COX7B2: variants seen among roughly 807,000 people sequenced by gnomAD.
The protein encoded by COX7B2 is cytochrome c oxidase subunit 7B2.
For missense variants in COX7B2, 109 were observed against 95.9 expected, an observed-to-expected ratio of 1.14 and a Z score of -0.57; for synonymous variants, 37 against 32.1, an observed-to-expected ratio of 1.15 and a Z score of -0.51.
intron 2 of COX7B2, among the ~76,000 whole-genome samples, chr4:46,749,168 A>G (rs1049665586): frequency 1.8e-4 from 27 of 152,218 alleles, no homozygotes; most frequent in African/African-American, 6.0e-4. Flanking sequence ...CCCAGTGAAC[A>G]GCATCTCCAT....
chr4:46,845,410 G>T (rs889023419), intron 1 of COX7B2, among the ~76,000 whole-genome samples: 1 of 151,886 alleles, frequency 6.6e-6, no homozygotes, highest in African/African-American at 2.4e-5. Flanking sequence ...CTTCCTTCAT[G>T]CAAGTTCAAG....
intron 1 of COX7B2, among the ~76,000 whole-genome samples, chr4:46,854,645 A>G (rs966698982): frequency 6.6e-6 from 1 of 152,178 alleles, no homozygotes; most frequent in African/African-American, 2.4e-5. Context: ...AATAAATGGC[A>G]ATAGTATCAG....
At chr4:46,833,099 T>G (rs1446369795) in intron 2 of COX7B2, among the ~76,000 whole-genome samples, 1 of 152,102 alleles carries the variant, frequency 6.6e-6, no homozygotes, top group Non-Finnish European at 1.5e-5. Flanking sequence ...GAGACGGGAT[T>G]TCTCCATGTT....
At position 46,734,888 on chromosome 4, in the gene COX7B2, A is replaced by T. The variant is rs1714258849; in HGVS notation, c.*59T>A. 6.3e-7 allele frequency: 1 copy of T among 1,582,630 alleles called. No individual in the cohort carries two copies. On this transcript the variant is annotated 3_prime_UTR_variant, in exon 3 of 3. Transcript: ENST00000355591. ...TGTGCTATATTTTAATAAGCAGTAG[A>T]GTGCTTACATGACAAGTTGGTTTTT...
rs181848446 is a variant in COX7B2, at chr4:46,750,256, T to C, written c.-49-15015A>G. ...CACACACACACACATTATCCAGGTGTGGTGGCACATGCCTGTAGTCCTAGC... is the reference window on the plus strand; with the variant it reads ...CACACACACACACATTATCCAGGTGCGGTGGCACATGCCTGTAGTCCTAGC... On this transcript the variant is annotated intron_variant, in intron 2 of 2. Transcript: ENST00000355591. Among the ~76,000 whole-genome samples the C allele has an allele frequency of 7.3e-3, 1,023 of 140,400 alleles. 13 individuals are homozygous for C. Among genetic ancestry groups the C allele is most frequent in the African/African-American group, 0.026 (982 of 38,236 alleles). The allele number at this position is 140,400 out of a possible 152,430, so 92.1% of individuals were successfully genotyped here.
chr4:46,791,193 T>G (rs1386348763), intron 2 of COX7B2, among the ~76,000 whole-genome samples: 1 of 150,396 alleles, frequency 6.6e-6, no homozygotes, highest in Non-Finnish European at 1.5e-5. Flanking sequence ...TTTTTTTTAG[T>G]AGAGAGGGAG....
At chr4:46,840,569 T>C (rs1715864628) in intron 2 of COX7B2, among the ~76,000 whole-genome samples, 1 of 152,026 alleles carries the variant, frequency 6.6e-6, no homozygotes, top group African/African-American at 2.4e-5. Flanking sequence ...TGGCTGATAG[T>C]AGGCATTTGA....
At chr4:46,845,651 A>G (rs974993934) in intron 1 of COX7B2, among the ~76,000 whole-genome samples, 1 of 152,008 alleles carries the variant, frequency 6.6e-6, no homozygotes, top group African/African-American at 2.4e-5. Flanking sequence ...GGATGTAGGG[A>G]CACAGAAAAA....
At chr4:46,736,230 C>T (rs1184907143) in intron 2 of COX7B2, among the ~76,000 whole-genome samples, 1 of 152,136 alleles carries the variant, frequency 6.6e-6, no homozygotes, top group Non-Finnish European at 1.5e-5. Context: ...CACAGAAAGC[C>T]AATCACTGAG....
chr4:46,856,988 C>G (rs1309028962), intron 1 of COX7B2, among the ~76,000 whole-genome samples: 1 of 152,138 alleles, frequency 6.6e-6, no homozygotes, highest in Non-Finnish European at 1.5e-5. Flanking sequence ...AAACTTTTAA[C>G]TTTAAAAGTT....
chr4:46,891,182 T>C (rs890634161), intron 1 of COX7B2, among the ~76,000 whole-genome samples: 1 of 152,192 alleles, frequency 6.6e-6, no homozygotes, highest in Non-Finnish European at 1.5e-5. Flanking sequence ...GAGAACATCA[T>C]GGTAGAAACA....
At chr4:46,831,517 C>G (rs1056238840) in intron 2 of COX7B2, among the ~76,000 whole-genome samples, 3 of 152,198 alleles carry the variant, frequency 2.0e-5, no homozygotes, top group African/African-American at 7.2e-5. Flanking sequence ...GCTCCTGAGT[C>G]TAGTGGGGAC....
chr4:46,758,097 T>G (rs567856946), intron 2 of COX7B2, among the ~76,000 whole-genome samples: 3 of 152,188 alleles, frequency 2.0e-5, no homozygotes, highest in Admixed American at 2.0e-4. Context: ...CAATACTTTA[T>G]GGTAATTTCA....
chr4:46,757,938 G>C (rs933617048), intron 2 of COX7B2, among the ~76,000 whole-genome samples: 3 of 152,120 alleles, frequency 2.0e-5, no homozygotes, highest in South Asian at 2.1e-4. Flanking sequence ...GAGGGAAGCT[G>C]GCATCAGGTC....
intron 1 of COX7B2, among the ~76,000 whole-genome samples, chr4:46,870,561 C>T (rs1180370075): frequency 6.6e-6 from 1 of 152,114 alleles, no homozygotes; most frequent in Non-Finnish European, 1.5e-5. Context: ...TTGCAGATGA[C>T]ATGATTCAGT....
intron 2 of COX7B2, among the ~76,000 whole-genome samples, chr4:46,820,109 A>T (rs1274385538): frequency 6.6e-6 from 1 of 152,160 alleles, no homozygotes; most frequent in Non-Finnish European, 1.5e-5. Flanking sequence ...CTTTCTTTCT[A>T]TTATTATTAC....
chr4:46,754,724 G>GTA (rs776374967), intron 2 of COX7B2, among the ~76,000 whole-genome samples: 1,012 of 46,798 alleles, frequency 0.022, 34 homozygotes, highest in African/African-American at 0.051. Flanking sequence ...GTGTGTGTGT[G>GTA]TGTGTATATA....
chr4:46,884,346 C>T (rs1220398044), intron 1 of COX7B2, among the ~76,000 whole-genome samples: 1 of 152,134 alleles, frequency 6.6e-6, no homozygotes, highest in Non-Finnish European at 1.5e-5. Context: ...CATGAGCCAC[C>T]ATGGCCAGAC....
At chr4:46,753,444 C>G (rs1437324126) in intron 2 of COX7B2, among the ~76,000 whole-genome samples, 9 of 151,706 alleles carry the variant, frequency 5.9e-5, no homozygotes, top group African/African-American at 2.2e-4. Context: ...ACAAACCTGA[C>G]AAAAACAAGA....
Sources: allele counts gnomAD v4.1 joint callset (sites outside exome capture counted in the v4.1 genomes callset), GRCh38; gene constraint gnomAD v4.1.1; transcripts MANE v1.5; gene names NCBI Gene and HGNC (gene_info 2026-07-23, HGNC 2026-07-21).